G3BP1: variants seen among roughly 807,000 people sequenced by gnomAD.
G3BP1 encodes G3BP stress granule assembly factor 1.
In G3BP1, 35 loss-of-function variants were observed where a neutral mutation model predicts 58.6. The observed-to-expected ratio is 0.60, with a 90% CI of 0.46 to 0.79. The LOEUF is 0.79. Among genes scored for constraint, G3BP1 ranks in the 30% least tolerant of loss-of-function variants. G3BP1 has a pLI of 0.00. For synonymous variants in G3BP1, 191 were observed against 195.4 expected (o/e 0.98, Z 0.19); for missense variants, 523 against 580.8 (o/e 0.90, Z 1.02).
In G3BP1 at chr5:151,794,243, C is replaced by T. The variant is rs1216488850; in HGVS notation, c.436C>T (p.Gln146Ter). The T allele has an allele frequency of 6.3e-7, 1 of 1,580,540 alleles. No individual in the cohort carries two copies. The highest frequency in any genetic ancestry group is 8.7e-7 in the Non-Finnish European group (1 of 1,149,516). ...CTTTGGTGGGTTTGTCACTGAGCCT[C>T]AGGAGGGTAAGTAGTGAAATACTTT... ...EVFGGFVTEP[Q>*]EESEEEVEEP... The change falls in exon 5 of 12, where the codon CAG (glutamine) becomes TAG (stop). Residue 146 changes from glutamine (Q) to a stop codon, truncating the protein, a stop_gained. Transcript: ENST00000356245. LOFTEE classifies it high-confidence loss of function.
chr5:151,797,335 G>A lies in G3BP1; in HGVS notation c.648G>A (p.Glu216=), dbSNP rs757895524. Residue 216 remains glutamate, a synonymous_variant, in exon 7 of 12, where the codon GAG becomes GAA. Coordinates refer to ENST00000356245, the MANE Select transcript of G3BP1 (RefSeq NM_005754.3). ...CTGAAATCCAAGAGGAAAAGCCTGA[G>A]CCAGTATTAGAAGAAACTGCCCCTG... is the stretch of plus-strand genomic sequence containing the variant. ...PVSEIQEEKP[E]PVLEETAPED... 6.2e-7 allele frequency: 1 copy of A among 1,614,098 alleles called. No individual in the cohort carries two copies. The highest frequency in any genetic ancestry group is 8.5e-7 in the Non-Finnish European group (1 of 1,179,984).
At chr5:151,781,686 G>A (rs9764934) in intron 1 of G3BP1, among the ~76,000 whole-genome samples, 5 of 152,178 alleles carry the variant, frequency 3.3e-5, no homozygotes, top group African/African-American at 7.2e-5. Flanking sequence ...TCAGAGAGAC[G>A]ATTTGTCTTT....
In G3BP1 at chr5:151,803,931, A is replaced by C. The variant is rs1311154682; in HGVS notation, c.1241A>C (p.Lys414Thr). The C allele has an allele frequency of 1.9e-6, 3 of 1,613,926 alleles. No individual in the cohort carries two copies. The highest frequency in any genetic ancestry group is 2.5e-6 in the Non-Finnish European group (3 of 1,179,934). ...GTCCGTCTGAATGTCGAAGAGAAGA[A>C]GACTCGAGCTGCCAGGGAAGGCGAC... ...GEVRLNVEEK[K>T]TRAAREGDRR... The change falls in exon 12 of 12, where the codon AAG becomes ACG. Residue 414 changes from lysine to threonine, a missense_variant. Transcript: ENST00000356245.
Position 151,804,328 on chromosome 5 carries a change from T to G in G3BP1, c.*237T>G, listed in dbSNP as rs921204417. On this transcript the variant is annotated 3_prime_UTR_variant, in exon 12 of 12. Coordinates refer to ENST00000356245, the MANE Select transcript of G3BP1 (RefSeq NM_005754.3). ...ATGATATTTTAGGAATAACGGACTT[T>G]TAAAGAAGCAAAAAAAAAGACTGAA... 7.9e-6 allele frequency: 3 copies of G among 377,544 alleles called. No individual in the cohort carries two copies. The highest frequency in any genetic ancestry group is 6.3e-5 in the African/African-American group (3 of 47,688). 23.4% of individuals were successfully genotyped at this position (377,544 alleles called of 1,614,324 possible).
rs1422274043 is a variant in G3BP1, at chr5:151,810,573, A to AT, written c.*6484dup. On this transcript the variant is annotated 3_prime_UTR_variant, in exon 12 of 12. Coordinates refer to ENST00000356245, the MANE Select transcript of G3BP1 (RefSeq NM_005754.3). ...TCATAACTTACCCCTTCAGTCTAGA[A>AT]TTAGAATTACATTATCTGTTTTACT... 1.3e-5 allele frequency: 2 copies of AT among 152,186 alleles called. No individual in the cohort carries two copies. The highest frequency in any genetic ancestry group is 6.5e-5 in the Admixed American group (1 of 15,284). The allele number at this position is 152,186 out of a possible 1,614,324, so 9.4% of individuals were successfully genotyped here. A position where few individuals can be genotyped will look rare whatever the true frequency, so the allele number is the denominator to read the frequency against.
Position 151,811,350 on chromosome 5 carries a change from G to C in G3BP1, c.*7259G>C, listed in dbSNP as rs1309251217. ...ACCTATCAATAAATACTTCTTGAAT[G>C]AACAAATGAATTCTCATTTCTCGAC... is the stretch of plus-strand genomic sequence containing the variant. On this transcript the variant is annotated 3_prime_UTR_variant, in exon 12 of 12. Coordinates refer to ENST00000356245, the MANE Select transcript of G3BP1 (RefSeq NM_005754.3). 1.3e-5 allele frequency: 2 copies of C among 152,158 alleles called. No individual in the cohort carries two copies. Among genetic ancestry groups the C allele is most frequent in the African/African-American group, 4.8e-5 (2 of 41,440 alleles). 9.4% of individuals were successfully genotyped at this position (152,158 alleles called of 1,614,324 possible). A position where few individuals can be genotyped will look rare whatever the true frequency, so the allele number is the denominator to read the frequency against.
chr5:151,804,322 G>A lies in G3BP1; in HGVS notation c.*231G>A, dbSNP rs114869305. Reference sequence around the variant, plus strand: ...TGTGGAATGATATTTTAGGAATAACGGACTTTTAAAGAAGCAAAAAAAAAG... The same window carrying A: ...TGTGGAATGATATTTTAGGAATAACAGACTTTTAAAGAAGCAAAAAAAAAG... On this transcript the variant is annotated 3_prime_UTR_variant, in exon 12 of 12. Coordinates refer to ENST00000356245, the MANE Select transcript of G3BP1 (RefSeq NM_005754.3). The A allele has an allele frequency of 1.7e-3, 640 of 382,820 alleles. 1 individual carries two copies. Among genetic ancestry groups the A allele is most frequent in the Non-Finnish European group, 2.6e-3 (565 of 217,678 alleles). The allele number at this position is 382,820 out of a possible 1,614,324, so 23.7% of individuals were successfully genotyped here.
At chr5:151,778,746 A>T (rs1021217123) in intron 1 of G3BP1, among the ~76,000 whole-genome samples, 1 of 148,326 alleles carries the variant, frequency 6.7e-6, no homozygotes, top group African/African-American at 2.5e-5. Flanking sequence ...TATATTCTGG[A>T]TAGAGGTATT....
At chr5:151,786,399 T>A (rs1209091392) in intron 1 of G3BP1, among the ~76,000 whole-genome samples, 173 bp from the exon 2 acceptor site, 1 of 152,244 alleles carries the variant, frequency 6.6e-6, no homozygotes, top group Non-Finnish European at 1.5e-5. Context: ...GATTTCCCCC[T>A]TTTGTATTCA....
rs1185074171 is a variant in G3BP1, at chr5:151,809,950, A to G, written c.*5859A>G. The G allele has an allele frequency of 1.4e-4, 21 of 152,166 alleles. No individual in the cohort carries two copies. The highest frequency in any genetic ancestry group is 1.3e-3 in the Admixed American group (20 of 15,280). 9.4% of individuals were successfully genotyped at this position (152,166 alleles called of 1,614,324 possible). A position where few individuals can be genotyped will look rare whatever the true frequency, so the allele number is the denominator to read the frequency against. On this transcript the variant is annotated 3_prime_UTR_variant, in exon 12 of 12. Transcript: ENST00000356245. ...GTTTACTACTAGCTGTCAGAAAGCT[A>G]TTGGGTATCCTAATGTGTTAATAGC...
chr5:151,797,196 G>C, intron 6 of G3BP1, 31 bp from the exon 7 acceptor site: 1 of 1,606,960 alleles, frequency 6.2e-7, no homozygotes, highest in Non-Finnish European at 8.5e-7. Context: ...AATGGTGGCA[G>C]AATGATATTT....
chr5:151,800,393 G>C (rs1399847677), intron 10 of G3BP1, 47 bp downstream of exon 10: 1 of 1,441,698 alleles, frequency 6.9e-7, no homozygotes, highest in Admixed American at 1.7e-5. Flanking sequence ...TGTCTCTCTA[G>C]CACTGTCCAG....
At chr5:151,777,840 C>G (rs1762399735) in intron 1 of G3BP1, among the ~76,000 whole-genome samples, 2 of 152,206 alleles carry the variant, frequency 1.3e-5, no homozygotes, top group African/African-American at 4.8e-5. Context: ...TCCTTCCACC[C>G]TTCTCCCTGC....
intron 11 of G3BP1, among the ~76,000 whole-genome samples, chr5:151,801,368 G>A (rs1453942286): frequency 6.6e-6 from 1 of 152,264 alleles, no homozygotes; most frequent in East Asian, 1.9e-4. Context: ...TACTCTGTAC[G>A]TTCTAATAAT....
At chr5:151,802,441 G>A (rs544066202) in intron 11 of G3BP1, among the ~76,000 whole-genome samples, 8 of 152,140 alleles carry the variant, frequency 5.3e-5, no homozygotes, top group Non-Finnish European at 1.0e-4. Context: ...GATTGCCGTG[G>A]TGTATGACAT....
rs1762921368 is a variant in G3BP1 at position 151,805,147 on chromosome 5, G to A, written c.*1056G>A. ...GTATTTTTATTCTGGTATCTAATCA[G>A]ATTCCTAATCATAGCCCGTAAGAAG... is the stretch of plus-strand genomic sequence containing the variant. On this transcript the variant is annotated 3_prime_UTR_variant, in exon 12 of 12. Transcript: ENST00000356245. 6.6e-6 allele frequency: 1 copy of A among 152,450 alleles called. No individual in the cohort carries two copies. The highest frequency in any genetic ancestry group is 6.6e-5 in the Admixed American group (1 of 15,262). 9.4% of individuals were successfully genotyped at this position (152,450 alleles called of 1,614,324 possible).
intron 1 of G3BP1, among the ~76,000 whole-genome samples, chr5:151,784,056 C>T (rs544218466): frequency 6.6e-6 from 1 of 152,180 alleles, no homozygotes; most frequent in Admixed American, 6.5e-5. Context: ...GCCACCACAC[C>T]TGGCCAACAT....
chr5:151,773,758 A>G (rs1255589199), intron 1 of G3BP1, among the ~76,000 whole-genome samples: 1 of 152,140 alleles, frequency 6.6e-6, no homozygotes, highest in African/African-American at 2.4e-5. Flanking sequence ...GCCCTTACAG[A>G]CTGGTTAACT....
In G3BP1 at chr5:151,799,253, C is replaced by T; in HGVS notation, c.783C>T (p.Pro261=). The change falls in exon 8 of 12, where the codon CCC becomes CCT. Residue 261 remains proline (P), a synonymous_variant. Coordinates refer to ENST00000356245, the MANE Select transcript of G3BP1 (RefSeq NM_005754.3). ...CTGTGACCAGTAAGAATCTTCCACC[C>T]AGTGGAGCTGTTCCAGTTACTGGGA... ...WASVTSKNLP[P]SGAVPVTGIP... is the part of the protein sequence containing the mutation. 6.2e-7 allele frequency: 1 copy of T among 1,604,914 alleles called. No individual in the cohort carries two copies. The highest frequency in any genetic ancestry group is 8.5e-7 in the Non-Finnish European group (1 of 1,171,576).
Sources: gnomAD v4.1 joint callset for allele counts (sites outside exome capture counted in the v4.1 genomes callset) on GRCh38, gnomAD v4.1.1 for gene constraint, MANE v1.5 for transcripts, NCBI Gene and HGNC (gene_info 2026-07-23, HGNC 2026-07-21) for gene names.